SLC4A4: variants seen among roughly 807,000 people sequenced by gnomAD.
The protein encoded by SLC4A4 is electrogenic sodium bicarbonate cotransporter 1.
A neutral mutation model predicts 111.5 loss-of-function variants in SLC4A4; 27 were observed. The observed-to-expected ratio is 0.24, with a 90% CI of 0.18 to 0.33. SLC4A4 has a LOEUF of 0.33. SLC4A4 is among the 10% of genes least tolerant of loss of function. The pLI is 1.00. For synonymous variants in SLC4A4, 443 were observed against 463.4 expected, an observed-to-expected ratio of 0.96 and a Z score of 0.57; for missense variants, 909 against 1,315.5, an observed-to-expected ratio of 0.69 and a Z score of 4.78.
At chr4:71,340,420 T>G (rs532622955) in intron 4 of SLC4A4, among the ~76,000 whole-genome samples, 1 of 152,284 alleles carries the variant, frequency 6.6e-6, no homozygotes, top group South Asian at 2.1e-4. Flanking sequence ...TATTCTATTT[T>G]ATTATTAATT....
intron 3 of SLC4A4, among the ~76,000 whole-genome samples, chr4:71,289,572 T>A (rs758027678): frequency 4.6e-5 from 7 of 152,062 alleles, no homozygotes; most frequent in South Asian, 2.1e-4. Context: ...AAGTAACATA[T>A]CAATAAGTGG....
intron 2 of SLC4A4, among the ~76,000 whole-genome samples, chr4:71,237,460 C>T (rs1719890731): frequency 6.6e-6 from 1 of 152,232 alleles, no homozygotes; most frequent in Admixed American, 6.5e-5. Context: ...ATGAAACTTG[C>T]AGGTGAATCA....
intron 1 of SLC4A4, among the ~76,000 whole-genome samples, chr4:71,075,957 C>CTAAATAAA (rs66711227): frequency 0.033 from 4,581 of 140,228 alleles, 116 homozygotes; most frequent in East Asian, 0.077. Flanking sequence ...GACTCCATCT[C>CTAAATAAA]TAAATAAATA....
chr4:71,116,717 G>T (rs1412672263), intron 2 of SLC4A4, among the ~76,000 whole-genome samples: 1 of 152,184 alleles, frequency 6.6e-6, no homozygotes, highest in Non-Finnish European at 1.5e-5. Context: ...GCTGAGGTGG[G>T]TGGATCACCT....
At chr4:71,100,090 C>T (rs1166167096) in intron 2 of SLC4A4, among the ~76,000 whole-genome samples, 1 of 152,126 alleles carries the variant, frequency 6.6e-6, no homozygotes, top group African/African-American at 2.4e-5. Flanking sequence ...GGACTCCTCC[C>T]CAACTCATTC....
chr4:71,141,651 G>A (rs969486400), intron 2 of SLC4A4, among the ~76,000 whole-genome samples: 4 of 152,122 alleles, frequency 2.6e-5, no homozygotes, highest in Non-Finnish European at 5.9e-5. Context: ...GTAAAAACTT[G>A]TTTGTATTTT....
chr4:71,152,651 A>T (rs983266933), intron 2 of SLC4A4, among the ~76,000 whole-genome samples: 1 of 152,002 alleles, frequency 6.6e-6, no homozygotes, highest in Non-Finnish European at 1.5e-5. Context: ...TTTTTTTCCA[A>T]TCAGCTTCCT....
chr4:71,443,574 A>C (rs1724969217), intron 8 of SLC4A4, among the ~76,000 whole-genome samples: 1 of 152,174 alleles, frequency 6.6e-6, no homozygotes, highest in African/African-American at 2.4e-5. Flanking sequence ...TAGATTTCTG[A>C]ATCTGAGACA....
At chr4:71,208,448 A>C (rs1717921913) in intron 1 of SLC4A4, among the ~76,000 whole-genome samples, 1 of 148,712 alleles carries the variant, frequency 6.7e-6, no homozygotes, top group Admixed American at 6.7e-5. Context: ...AAAAAAATAT[A>C]TATATATATA....
At chr4:71,410,454 G>A (rs982178056) in intron 7 of SLC4A4, among the ~76,000 whole-genome samples, 2 of 152,158 alleles carry the variant, frequency 1.3e-5, no homozygotes, top group African/African-American at 4.8e-5. Flanking sequence ...TTTTGGACTT[G>A]CATTGACCCT....
At chr4:71,425,940 AG>A (rs1723083753) in intron 7 of SLC4A4, among the ~76,000 whole-genome samples, 1 of 152,112 alleles carries the variant, frequency 6.6e-6, no homozygotes, top group African/African-American at 2.4e-5. Context: ...ATCAGGGAAA[AG>A]ACCTGGAAAG....
Position 71,534,304 on chromosome 4 carries a change from C to T in SLC4A4, c.2358C>T (p.Ile786=), listed in dbSNP as rs774112980. The change falls in exon 18 of 26, where the codon ATC becomes ATT. Residue 786 remains isoleucine, a synonymous_variant. Transcript: ENST00000264485. The part of the protein sequence containing the change: ...NPWWVCLAAA[I]PALLVTILIF... ...GGTGGGTGTGCCTTGCTGCTGCTATCCCGGCTTTGTTGGTCACTATACTGA... is the reference window on the plus strand; with the variant it reads ...GGTGGGTGTGCCTTGCTGCTGCTATTCCGGCTTTGTTGGTCACTATACTGA... 19 of 1,613,560 alleles carry T rather than the reference C, an allele frequency of 1.2e-5. No individual in the cohort carries two copies. In the Admixed American group the frequency reaches 3.0e-4, roughly 26 times the overall value.
chr4:71,484,966 A>G (rs1318077500), intron 14 of SLC4A4, among the ~76,000 whole-genome samples: 1 of 151,462 alleles, frequency 6.6e-6, no homozygotes, highest in Non-Finnish European at 1.5e-5. Context: ...TAGGAATGCT[A>G]GTGATTTTTG....
intron 7 of SLC4A4, among the ~76,000 whole-genome samples, chr4:71,414,236 G>A (rs1391099568): frequency 6.6e-6 from 1 of 152,202 alleles, no homozygotes; most frequent in Admixed American, 6.5e-5. Context: ...TAAGAGCCCT[G>A]ACATCTCTGT....
intron 2 of SLC4A4, among the ~76,000 whole-genome samples, chr4:71,174,528 G>A (rs568467394): frequency 6.6e-6 from 1 of 152,158 alleles, no homozygotes; most frequent in South Asian, 2.1e-4. Flanking sequence ...TATTACAGGG[G>A]TGAGCCACCG....
intron 2 of SLC4A4, among the ~76,000 whole-genome samples, chr4:71,109,987 T>C (rs1250547608): frequency 1.3e-5 from 2 of 152,134 alleles, no homozygotes. Flanking sequence ...TGGGTAGCTA[T>C]TGCTGAGCTA....
At chr4:71,243,280 T>G (rs945993045) in intron 2 of SLC4A4, among the ~76,000 whole-genome samples, 3 of 152,216 alleles carry the variant, frequency 2.0e-5, no homozygotes, top group Admixed American at 2.0e-4. Flanking sequence ...CTAGAATACT[T>G]CTGCTTCCTA....
At chr4:71,120,881 T>C (rs1017995823) in intron 2 of SLC4A4, among the ~76,000 whole-genome samples, 1 of 152,190 alleles carries the variant, frequency 6.6e-6, no homozygotes, top group African/African-American at 2.4e-5. Context: ...CTCTCTGGGC[T>C]GGTCGAGGCC....
intron 1 of SLC4A4, among the ~76,000 whole-genome samples, chr4:71,092,127 C>A (rs923288344): frequency 6.6e-6 from 1 of 152,028 alleles, no homozygotes; most frequent in Non-Finnish European, 1.5e-5. Flanking sequence ...CTCAGTAAGG[C>A]AATATAAAGA....
Sources: allele counts gnomAD v4.1 joint callset (sites outside exome capture counted in the v4.1 genomes callset), GRCh38; gene constraint gnomAD v4.1.1; transcripts MANE v1.5; gene names NCBI Gene and HGNC (gene_info 2026-07-23, HGNC 2026-07-21).